BRD9: variants seen among roughly 807,000 people sequenced by gnomAD.
The protein encoded by BRD9 is bromodomain-containing protein 9.
Under a neutral mutation model 68.7 loss-of-function variants are expected in BRD9, and 47 were observed. The observed-to-expected ratio is 0.68, with a 90% confidence interval of 0.54 to 0.87. The LOEUF (loss-of-function observed/expected upper bound fraction) is 0.87, where lower values mean the gene tolerates loss of function less well. Among genes scored for constraint, BRD9 ranks in the 40% least tolerant of loss-of-function variants. The pLI, the probability that BRD9 is intolerant of heterozygous loss-of-function variation, is 0.00. For synonymous variants in BRD9, 313 were observed against 293.9 expected (o/e 1.06, Z -0.67); for missense variants, 670 against 748.4 (o/e 0.90, Z 1.22).
chr5:883,247 T>C (rs1752060907), intron 8 of BRD9: 1 of 443,268 alleles, frequency 2.3e-6, no homozygotes. Context: ...AGACTTAATA[T>C]GAAAAAAACC....
Position 881,003 on chromosome 5 carries a change from A to G in BRD9, c.1042+104T>C, listed in dbSNP as rs572429288. The G allele has an allele frequency of 5.7e-6, 7 of 1,225,676 alleles. No individual in the cohort carries two copies. In the East Asian group the frequency reaches 1.2e-4, roughly 21 times the overall value. 75.9% of individuals were successfully genotyped at this position (1,225,676 alleles called of 1,614,324 possible). A position where few individuals can be genotyped will look rare whatever the true frequency, so the allele number is the denominator to read the frequency against. ...AGGTCGGGAAGCCGGGCAGCCTCTC[A>G]TGCTGCCCCATGGCCATGGCTCAGC... is the stretch of plus-strand genomic sequence containing the variant. On this transcript the variant is annotated intron_variant, in intron 9 of 15. Transcript: ENST00000467963.
intron 11 of BRD9, among the ~76,000 whole-genome samples, chr5:876,952 GTGTC>G (rs1212163722): frequency 6.6e-6 from 1 of 152,234 alleles, no homozygotes; most frequent in Non-Finnish European, 1.5e-5. Context: ...GAGGATCTGG[GTGTC>G]TGTGCGCTGA....
chr5:881,107 C>G lies in BRD9; in HGVS notation c.1042G>C (p.Glu348Gln). The G allele has an allele frequency of 1.2e-6, 2 of 1,614,040 alleles. No homozygotes were observed. Among genetic ancestry groups the G allele is most frequent in the Non-Finnish European group, 1.7e-6 (2 of 1,180,006 alleles). The stretch of plus-strand genomic sequence containing the variant: ...AAGCCAGCCCTGAGCGGGCACCCAC[C>G]ATCAGCGTCCGGCTCGGCCGTGTTG... The part of the protein sequence containing the change: ...VVNTAEPDAD[E>Q]EETHPVDLSS... The change falls in exon 9 of 16, where the codon GAG (glutamate) becomes CAG (glutamine). Residue 348 changes from glutamate to glutamine, a missense_variant and splice_region_variant. By Grantham distance (29) the Glu-to-Gln change is conservative. Transcript: ENST00000467963.
At chr5:886,971 A>G (rs973446852) in intron 6 of BRD9, 17 of 549,320 alleles carry the variant, frequency 3.1e-5, no homozygotes, top group Non-Finnish European at 5.5e-5. Context: ...ACCTTCTCCT[A>G]CGTGGGATGC....
At chr5:864,643 G>T in intron 15 of BRD9, 75 bp from the exon 16 acceptor site, 1 of 1,371,274 alleles carries the variant, frequency 7.3e-7, no homozygotes, top group Non-Finnish European at 1.0e-6. Flanking sequence ...GGAGCCCAAG[G>T]TCTGCTTCCT....
At chr5:892,219 G>A (rs925329555) in intron 1 of BRD9, 3 of 437,984 alleles carry the variant, frequency 6.8e-6, no homozygotes, top group Non-Finnish European at 1.2e-5. Flanking sequence ...ACTTCCTGCA[G>A]GCGCCCGTGC....
intron 9 of BRD9, among the ~76,000 whole-genome samples, chr5:880,558 T>C (rs1039208769): frequency 1.8e-4 from 27 of 152,252 alleles, no homozygotes; most frequent in African/African-American, 6.3e-4. Context: ...TGCACGTTCC[T>C]CACGCGAGCC....
At chr5:869,002 G>A (rs900142977) in intron 14 of BRD9, 11 of 222,582 alleles carry the variant, frequency 4.9e-5, no homozygotes, top group Non-Finnish European at 9.8e-5. Flanking sequence ...GATGCCAACT[G>A]AAAGCCCCAG....
At chr5:871,491 A>G in intron 13 of BRD9, 35 bp downstream of exon 13, 2 of 1,603,036 alleles carry the variant, frequency 1.2e-6, no homozygotes, top group Non-Finnish European at 1.7e-6. Context: ...TGTGAGAATA[A>G]TATTTGGCTT....
intron 3 of BRD9, chr5:890,150 G>A (rs985729794): frequency 1.4e-4 from 33 of 229,400 alleles, no homozygotes; most frequent in African/African-American, 6.2e-4. Context: ...AGTGAATCAC[G>A]ACACTGCACT....
chr5:884,321 G>A (rs1752238904), intron 7 of BRD9, among the ~76,000 whole-genome samples: 1 of 152,176 alleles, frequency 6.6e-6, no homozygotes, highest in Admixed American at 6.5e-5. Context: ...TCAACGCAGT[G>A]CAAACTCAGT....
At chr5:892,475 C>G in intron 1 of BRD9, 131 bp downstream of exon 1, 2 of 1,440,644 alleles carry the variant, frequency 1.4e-6, no homozygotes, top group Non-Finnish European at 1.8e-6. Context: ...GACCCCCTCC[C>G]GCGTGCCCAG....
intron 14 of BRD9, 196 bp from the exon 15 acceptor site, chr5:865,777 G>T: frequency 1.8e-6 from 1 of 568,954 alleles, no homozygotes; most frequent in Non-Finnish European, 3.0e-6. Flanking sequence ...TGAGTGAAGG[G>T]AAGGCAGACA....
At chr5:889,298 A>G (rs990045113) in intron 4 of BRD9, 133 bp from the exon 5 acceptor site, 3 of 1,023,626 alleles carry the variant, frequency 2.9e-6, no homozygotes, top group African/African-American at 3.3e-5. Flanking sequence ...GCGTCTTTTA[A>G]TTTATTGTGA....
intron 8 of BRD9, 23 bp from the exon 9 acceptor site, chr5:881,205 C>T (rs753601727): frequency 4.5e-5 from 72 of 1,609,918 alleles, no homozygotes; most frequent in Middle Eastern, 1.6e-4. Flanking sequence ...ACTGCCTGAG[C>T]GTCTGTCCCT....
chr5:886,174 A>C (rs1363570076), intron 7 of BRD9, among the ~76,000 whole-genome samples: 1 of 152,216 alleles, frequency 6.6e-6, no homozygotes, highest in African/African-American at 2.4e-5. Flanking sequence ...AGGAGTGTGC[A>C]TCTGCCCCAC....
intron 2 of BRD9, 112 bp from the exon 3 acceptor site, chr5:891,399 T>G (rs1452250095): frequency 6.3e-6 from 9 of 1,425,060 alleles, no homozygotes; most frequent in Non-Finnish European, 6.5e-6. Context: ...GGAAACCCCC[T>G]CCGAGATCCT....
chr5:873,082 T>G (rs1750386892), intron 12 of BRD9, among the ~76,000 whole-genome samples: 1 of 151,938 alleles, frequency 6.6e-6, no homozygotes, highest in Non-Finnish European at 1.5e-5. Context: ...GGAGAATCGC[T>G]AGAATCAGGG....
Position 870,545 on chromosome 5 carries a change from A to AGCT in BRD9, c.1450_1452dup (p.Ser485dup). 1 of 1,614,210 alleles carries AGCT rather than the reference A, an allele frequency of 6.2e-7. No homozygotes were observed. Among genetic ancestry groups the AGCT allele is most frequent in the South Asian group, 1.1e-5 (1 of 91,088 alleles). On this transcript the variant is annotated inframe_insertion, in exon 14 of 16. Transcript: ENST00000467963. ...TTCATCGACATGAACTCCAGAACAG[A>AGCT]GCTGCTGCTGTCTCCTAGGGTGTCC...
Sources: allele counts gnomAD v4.1 joint callset (sites outside exome capture counted in the v4.1 genomes callset), GRCh38; gene constraint gnomAD v4.1.1; transcripts MANE v1.5; gene names NCBI Gene and HGNC (gene_info 2026-07-23, HGNC 2026-07-21).